PPP4R3B: variants seen among roughly 807,000 people sequenced by gnomAD.
PPP4R3B encodes serine/threonine-protein phosphatase 4 regulatory subunit 3B.
In PPP4R3B, 52 loss-of-function variants were observed where a neutral mutation model predicts 95.4. That is an observed-to-expected ratio of 0.54 (90% CI 0.44 to 0.69). PPP4R3B has a LOEUF of 0.69. PPP4R3B is among the 30% of genes least tolerant of loss of function. PPP4R3B has a pLI of 0.00. For synonymous variants in PPP4R3B, 407 were observed against 343.9 expected (o/e 1.18, Z -2.03); for missense variants, 1,003 against 1,005.9 (o/e 1.00, Z 0.04).
At chr2:55,560,738 C>G (rs574315983) in intron 15 of PPP4R3B, among the ~76,000 whole-genome samples, 4 of 130,726 alleles carry the variant, frequency 3.1e-5, no homozygotes, top group South Asian at 5.3e-4. Flanking sequence ...GATCATGCCA[C>G]TGCATTCCAG....
chr2:55,553,059 C>G (rs1558931728), intron 16 of PPP4R3B, among the ~76,000 whole-genome samples: 1 of 152,100 alleles, frequency 6.6e-6, no homozygotes, highest in East Asian at 1.9e-4. Flanking sequence ...TTCTGTTCCT[C>G]CACCATCACC....
chr2:55,555,611 T>C lies in PPP4R3B; in HGVS notation c.2454+3164A>G, dbSNP rs537310293. ...CACCTGTAATCCTAGAACATTATAA[T>C]AAATGCACATTCTATACAGAAATAC... On this transcript the variant is annotated intron_variant, in intron 16 of 16. Coordinates refer to ENST00000616407, the MANE Select transcript of PPP4R3B (RefSeq NM_001122964.3). Among the ~76,000 whole-genome samples, 177 of 152,258 alleles carry C rather than the reference T, an allele frequency of 1.2e-3. 1 individual carries two copies. Among genetic ancestry groups the C allele is most frequent in the African/African-American group, 4.1e-3 (171 of 41,552 alleles).
chr2:55,559,103 T>TG, intron 15 of PPP4R3B, 135 bp from the exon 16 acceptor site: 1 of 643,544 alleles, frequency 1.6e-6, no homozygotes, highest in Non-Finnish European at 2.5e-6. Flanking sequence ...ATCCCAACAC[T>TG]TTGGGAGGCT....
At chr2:55,596,787 AC>A (rs1465460703) in intron 4 of PPP4R3B, among the ~76,000 whole-genome samples, 16 of 152,264 alleles carry the variant, frequency 1.1e-4, no homozygotes, top group African/African-American at 2.9e-4. Context: ...ACATGGTGAA[AC>A]CCTGTTTCTA....
intron 4 of PPP4R3B, among the ~76,000 whole-genome samples, chr2:55,593,867 T>C (rs944039736): frequency 6.6e-6 from 1 of 152,202 alleles, no homozygotes; most frequent in Non-Finnish European, 1.5e-5. Flanking sequence ...CACTTGTATA[T>C]TGATCGCAGC....
chr2:55,567,559 G>A (rs6737078), intron 13 of PPP4R3B, among the ~76,000 whole-genome samples: 37 of 152,240 alleles, frequency 2.4e-4, no homozygotes, highest in African/African-American at 8.4e-4. Context: ...GGGACTACAG[G>A]CGTGTGCCAT....
intron 15 of PPP4R3B, among the ~76,000 whole-genome samples, chr2:55,559,837 A>G (rs1376593940): frequency 6.6e-6 from 1 of 152,172 alleles, no homozygotes; most frequent in African/African-American, 2.4e-5. Flanking sequence ...GATACCTGAA[A>G]ATGGCAGGGC....
intron 15 of PPP4R3B, among the ~76,000 whole-genome samples, chr2:55,562,450 A>G (rs1286766519): frequency 1.3e-5 from 2 of 152,082 alleles, no homozygotes; most frequent in Non-Finnish European, 2.9e-5. Flanking sequence ...ACAAAAGTGC[A>G]TGGCACCTCC....
rs1395773384 is a variant in PPP4R3B at position 55,598,833 on chromosome 2, A to G, written c.504T>C (p.Asn168=). ...GCAATAGTTTTTTAATATAGCCTTC[A>G]TTTTCCAAGGCGAGAGCCAGCTTTT... ...RREKLALALE[N]EGYIKKLLQL... is the part of the protein sequence containing the mutation. The change falls in exon 4 of 17, where the codon AAT becomes AAC. Residue 168 remains asparagine, a synonymous_variant. Coordinates refer to ENST00000616407, the MANE Select transcript of PPP4R3B (RefSeq NM_001122964.3). The G allele has an allele frequency of 6.2e-7, 1 of 1,614,048 alleles. No homozygotes were observed. Among genetic ancestry groups the G allele is most frequent in the African/African-American group, 1.3e-5 (1 of 74,914 alleles).
intron 2 of PPP4R3B, among the ~76,000 whole-genome samples, chr2:55,611,918 G>C (rs1694219764): frequency 1.3e-5 from 2 of 152,074 alleles, no homozygotes; most frequent in Non-Finnish European, 2.9e-5. Context: ...TTTTGGTAGA[G>C]ACAGGGATCT....
In PPP4R3B at chr2:55,584,107, T is replaced by C. The variant is rs192586145; in HGVS notation, c.1233+944A>G. Reference sequence around the variant, plus strand: ...GTTACAGTGAGCCGAGAATGCGCCATTGCACTCCAGCCTGGGCAACAAGAG... The same window carrying C: ...GTTACAGTGAGCCGAGAATGCGCCACTGCACTCCAGCCTGGGCAACAAGAG... On this transcript the variant is annotated intron_variant, in intron 7 of 16. Transcript: ENST00000616407. 4.7e-3 allele frequency among the ~76,000 whole-genome samples: 709 copies of C among 152,056 alleles called. 4 individuals carry two copies. Among genetic ancestry groups the C allele is most frequent in the South Asian group, 0.016 (78 of 4,814 alleles).
chr2:55,571,048 C>A (rs1278674466), intron 12 of PPP4R3B, among the ~76,000 whole-genome samples: 1 of 152,160 alleles, frequency 6.6e-6, no homozygotes, highest in Admixed American at 6.5e-5. Flanking sequence ...CAGCGGTTCA[C>A]ACCTGTAATC....
At chr2:55,613,907 CAG>C (rs978473661) in intron 2 of PPP4R3B, among the ~76,000 whole-genome samples, 1 of 151,436 alleles carries the variant, frequency 6.6e-6, no homozygotes, top group African/African-American at 2.4e-5. Context: ...GGTATAAAGA[CAG>C]AGATTAAGAG....
intron 7 of PPP4R3B, among the ~76,000 whole-genome samples, chr2:55,582,827 AC>A (rs1299786011): frequency 2.0e-5 from 3 of 152,190 alleles, no homozygotes; most frequent in African/African-American, 7.2e-5. Flanking sequence ...AAAACACCTA[AC>A]AAAATAAGTA....
intron 10 of PPP4R3B, 34 bp from the exon 11 acceptor site, chr2:55,577,390 T>G: frequency 7.1e-7 from 1 of 1,406,062 alleles, no homozygotes; most frequent in South Asian, 1.6e-5. Context: ...AATAAAATAC[T>G]TCAGTAATAA....
chr2:55,567,660 C>G (rs1024774253), intron 13 of PPP4R3B, among the ~76,000 whole-genome samples: 1 of 152,184 alleles, frequency 6.6e-6, no homozygotes, highest in African/African-American at 2.4e-5. Flanking sequence ...AAGTGATCAG[C>G]CTGCCCAGGT....
At chr2:55,567,116 C>T (rs1447099202) in intron 13 of PPP4R3B, among the ~76,000 whole-genome samples, 2 of 152,186 alleles carry the variant, frequency 1.3e-5, no homozygotes, top group Non-Finnish European at 2.9e-5. Context: ...ATTTGTTGTA[C>T]TGGTTCTACA....
At chr2:55,550,786 A>G (rs1685158066) in intron 16 of PPP4R3B, among the ~76,000 whole-genome samples, 1 of 152,182 alleles carries the variant, frequency 6.6e-6, no homozygotes, top group Non-Finnish European at 1.5e-5. Flanking sequence ...AGTAACTCAT[A>G]CTTCATACCT....
Position 55,617,418 on chromosome 2 carries a change from A to G in PPP4R3B, c.-133T>C. ...GGCTTCGGAGAGGCCCGAATTCACC[A>G]TGGCTCCAAAGGTTCAGCCGCGAGA... On this transcript the variant is annotated 5_prime_UTR_variant, in exon 1 of 17. An upstream start codon of the reference 5' UTR is lost. Coordinates refer to ENST00000616407, the MANE Select transcript of PPP4R3B (RefSeq NM_001122964.3). 9.1e-7 allele frequency: 1 copy of G among 1,094,342 alleles called. No homozygotes were observed. Among genetic ancestry groups the G allele is most frequent in the Non-Finnish European group, 1.2e-6 (1 of 815,368 alleles). 67.8% of individuals were successfully genotyped at this position (1,094,342 alleles called of 1,614,324 possible). A position where few individuals can be genotyped will look rare whatever the true frequency, so the allele number is the denominator to read the frequency against.
Sources: allele counts gnomAD v4.1 joint callset (sites outside exome capture counted in the v4.1 genomes callset), GRCh38; gene constraint gnomAD v4.1.1; transcripts MANE v1.5; gene names NCBI Gene and HGNC (gene_info 2026-07-23, HGNC 2026-07-21).